HABP4: variants seen among roughly 807,000 people sequenced by gnomAD.
HABP4 encodes the protein hyaluronan binding protein 4.
Under a neutral mutation model 44.1 loss-of-function variants are expected in HABP4, and 32 were observed. The ratio of observed to expected loss-of-function variants is 0.73; its 90% CI spans 0.55 to 0.97. HABP4 has a LOEUF of 0.97. Ranked by LOEUF, HABP4 falls within the 50% of genes least tolerant of loss-of-function variation. The pLI, the probability that HABP4 is intolerant of heterozygous loss-of-function variation, is 0.00. For synonymous variants in HABP4, 216 were observed against 218.0 expected (o/e 0.99, Z 0.08); for missense variants, 503 against 561.9 (o/e 0.90, Z 1.06).
Position 96,450,225 on chromosome 9 carries a change from C to A in HABP4, c.-55C>A. ...CGGCATGGGTCCTGGCCGCCGGCTT[C>A]GCTGAGACGCGCTCGCGTGGGCTGC... On this transcript the variant is annotated 5_prime_UTR_variant, in exon 1 of 8. Transcript: ENST00000375249. This position sits in a 1 kb window ranked among gnomAD's most constrained non-coding sequence, Gnocchi z 4.8. 2 of 1,296,792 alleles carry A rather than the reference C, an allele frequency of 1.5e-6. No individual in the cohort carries two copies. The highest frequency in any genetic ancestry group is 6.7e-5 in the East Asian group (2 of 29,646). 80.3% of individuals were successfully genotyped at this position (1,296,792 alleles called of 1,614,324 possible). A position where few individuals can be genotyped will look rare whatever the true frequency, so the allele number is the denominator to read the frequency against.
intron 1 of HABP4, among the ~76,000 whole-genome samples, chr9:96,451,146 C>T (rs888309659): frequency 6.6e-6 from 1 of 152,184 alleles, no homozygotes; most frequent in African/African-American, 2.4e-5. Context: ...GGGTCCCCGG[C>T]GCGGTCCGGC....
chr9:96,456,916 TAGTG>T (rs549491138), intron 1 of HABP4, among the ~76,000 whole-genome samples: 1 of 148,578 alleles, frequency 6.7e-6, no homozygotes, highest in Non-Finnish European at 1.5e-5. Flanking sequence ...ATATTGCACA[TAGTG>T]AGAGGAGATC....
chr9:96,460,722 G>C (rs936440997), intron 2 of HABP4, among the ~76,000 whole-genome samples: 1 of 152,174 alleles, frequency 6.6e-6, no homozygotes, highest in Non-Finnish European at 1.5e-5. Context: ...CAGATTTTGA[G>C]TTTTTCTGAT....
chr9:96,489,720 G>A (rs1002510400), intron 7 of HABP4, among the ~76,000 whole-genome samples: 2 of 152,228 alleles, frequency 1.3e-5, no homozygotes, highest in Non-Finnish European at 2.9e-5. Flanking sequence ...GATGAAGGAC[G>A]TGCCCATGCA....
chr9:96,455,375 C>T (rs754898716), intron 1 of HABP4, among the ~76,000 whole-genome samples: 2 of 149,166 alleles, frequency 1.3e-5, no homozygotes, highest in Non-Finnish European at 3.0e-5. Flanking sequence ...TTGCTTGAAC[C>T]TGGGTAACAG....
In HABP4 at chr9:96,490,506, T is replaced by C. The variant is rs1833072234; in HGVS notation, c.*468T>C. Reference sequence around the variant, plus strand: ...GAAATTAAAATACAATTGCACTTACTGTTTACTTGTAAATGTTATCTTCTC... The same window carrying C: ...GAAATTAAAATACAATTGCACTTACCGTTTACTTGTAAATGTTATCTTCTC... On this transcript the variant is annotated 3_prime_UTR_variant, in exon 8 of 8. Coordinates refer to ENST00000375249, the MANE Select transcript of HABP4 (RefSeq NM_014282.4). The C allele has an allele frequency of 6.5e-6, 1 of 153,266 alleles. No individual in the cohort carries two copies. Among genetic ancestry groups the C allele is most frequent in the Admixed American group, 6.5e-5 (1 of 15,358 alleles). 9.5% of individuals were successfully genotyped at this position (153,266 alleles called of 1,614,324 possible). A position where few individuals can be genotyped will look rare whatever the true frequency, so the allele number is the denominator to read the frequency against.
At chr9:96,484,273 G>T in intron 5 of HABP4, 189 bp from the exon 6 acceptor site, 1 of 511,656 alleles carries the variant, frequency 2.0e-6, no homozygotes. Flanking sequence ...TCTTCTGTTG[G>T]CAGTGATGAC....
intron 4 of HABP4, among the ~76,000 whole-genome samples, chr9:96,466,381 A>G (rs1406631104): frequency 1.3e-5 from 2 of 152,052 alleles, no homozygotes; most frequent in East Asian, 3.9e-4. Flanking sequence ...CAAAAAAACA[A>G]AAAAAAGCTT....
Position 96,487,317 on chromosome 9 carries a change from T to TTG in HABP4, c.1000-755_1000-754dup, listed in dbSNP as rs549795684. On this transcript the variant is annotated intron_variant, in intron 6 of 7. Coordinates refer to ENST00000375249, the MANE Select transcript of HABP4 (RefSeq NM_014282.4). Reference sequence around the variant, plus strand: ...TTTTACTTTACTTAAAGTGGGGTTTTTGTGTGTGTGTGTGTGTGATACCCA... The same window carrying TTG: ...TTTTACTTTACTTAAAGTGGGGTTTTTGTGTGTGTGTGTGTGTGTGATACCCA... 4.4e-3 allele frequency among the ~76,000 whole-genome samples: 671 copies of TTG among 151,178 alleles called. 6 individuals carry two copies. The highest frequency in any genetic ancestry group is 0.013 in the African/African-American group (553 of 41,278).
intron 1 of HABP4, among the ~76,000 whole-genome samples, chr9:96,456,774 AAAAAAAATATATATATATATATATAT>A (rs1466687322): frequency 1.6e-4 from 11 of 70,284 alleles, no homozygotes; most frequent in African/African-American, 5.1e-4. Flanking sequence ...AAAAAAAAAA[AAAAAAAATATATATATATATATATAT>A]ATATATATAT....
At chr9:96,476,905 T>C (rs1471535261) in intron 5 of HABP4, among the ~76,000 whole-genome samples, 3 of 152,278 alleles carry the variant, frequency 2.0e-5, no homozygotes, top group Admixed American at 6.5e-5. Context: ...CCTCTATTCT[T>C]GAATGAGGTG....
At chr9:96,462,714 C>T (rs1456001139) in intron 2 of HABP4, among the ~76,000 whole-genome samples, 1 of 151,980 alleles carries the variant, frequency 6.6e-6, no homozygotes, top group Non-Finnish European at 1.5e-5. Flanking sequence ...TCTCTTGAGC[C>T]CAGTAATTTG....
intron 6 of HABP4, among the ~76,000 whole-genome samples, chr9:96,486,819 G>C (rs982614653): frequency 1.3e-5 from 2 of 151,976 alleles, no homozygotes; most frequent in Admixed American, 6.6e-5. Context: ...CTTGGGCCAG[G>C]GCCAGCTGGA....
At position 96,469,031 on chromosome 9, in the gene HABP4, C is replaced by T. The variant is rs1002032267; in HGVS notation, c.744-1980C>T. Reference sequence around the variant, plus strand: ...GTAGTCGAGTATTCCTATTTGAAGACGCTGACAGCAATAACTGGATTTAAG... The same window carrying T: ...GTAGTCGAGTATTCCTATTTGAAGATGCTGACAGCAATAACTGGATTTAAG... On this transcript the variant is annotated intron_variant, in intron 4 of 7. Transcript: ENST00000375249. 5.9e-5 allele frequency among the ~76,000 whole-genome samples: 9 copies of T among 152,164 alleles called. No homozygotes were observed. In the East Asian group the frequency reaches 1.2e-3, roughly 20 times the overall value.
intron 1 of HABP4, among the ~76,000 whole-genome samples, chr9:96,452,911 GTTTTTTTT>G (rs71368266): frequency 6.3e-5 from 4 of 63,146 alleles, no homozygotes; most frequent in Admixed American, 3.5e-4. Context: ...ATGGAAAAGG[GTTTTTTTT>G]TTTTTTTTTT....
chr9:96,480,339 C>T (rs1021077153), intron 5 of HABP4, among the ~76,000 whole-genome samples: 2 of 152,230 alleles, frequency 1.3e-5, no homozygotes, highest in East Asian at 3.9e-4. Context: ...TTTTTAGCTG[C>T]TATACTATAG....
chr9:96,466,309 G>C (rs1265494938), intron 4 of HABP4, among the ~76,000 whole-genome samples: 1 of 152,028 alleles, frequency 6.6e-6, no homozygotes, highest in Non-Finnish European at 1.5e-5. Flanking sequence ...GGCAGAGGTT[G>C]CAGTGAGCCG....
At chr9:96,473,239 G>T (rs1228297696) in intron 5 of HABP4, among the ~76,000 whole-genome samples, 1 of 152,174 alleles carries the variant, frequency 6.6e-6, no homozygotes, top group Non-Finnish European at 1.5e-5. Context: ...GGACATCCCA[G>T]ATGCTCCTGT....
chr9:96,468,645 G>C (rs900299709), intron 4 of HABP4, among the ~76,000 whole-genome samples: 1 of 152,100 alleles, frequency 6.6e-6, no homozygotes, highest in Non-Finnish European at 1.5e-5. Flanking sequence ...CACCTGCCTT[G>C]GCTCCCAAAG....
Sources: allele counts gnomAD v4.1 joint callset (sites outside exome capture counted in the v4.1 genomes callset), GRCh38; gene constraint gnomAD v4.1.1; non-coding constraint Gnocchi (gnomAD v3.1); transcripts MANE v1.5; gene names NCBI Gene and HGNC (gene_info 2026-07-23, HGNC 2026-07-21).